GRAMD1B: variants seen among roughly 807,000 people sequenced by gnomAD.
The protein encoded by GRAMD1B is GRAM domain containing 1B.
A neutral mutation model predicts 99.7 loss-of-function variants in GRAMD1B; 37 were observed. The ratio of observed to expected loss-of-function variants is 0.37; its 90% CI spans 0.29 to 0.49. The LOEUF is 0.49. GRAMD1B is among the 20% of genes least tolerant of loss of function. The pLI, the probability that GRAMD1B is intolerant of heterozygous loss-of-function variation, is 0.98. For synonymous variants in GRAMD1B, 427 were observed against 387.6 expected (o/e 1.10, Z -1.19); for missense variants, 888 against 1,009.2 (o/e 0.88, Z 1.63).
At chr11:123,596,806 G>A (rs1951328833) in intron 7 of GRAMD1B, among the ~76,000 whole-genome samples, 1 of 152,186 alleles carries the variant, frequency 6.6e-6, no homozygotes, top group African/African-American at 2.4e-5. Flanking sequence ...GGGGGATCCT[G>A]TCCTGCAGCA....
intron 1 of GRAMD1B, among the ~76,000 whole-genome samples, chr11:123,478,543 C>T (rs1382242805): frequency 6.6e-6 from 1 of 152,144 alleles, no homozygotes; most frequent in Non-Finnish European, 1.5e-5. Context: ...CCTGAGGCTC[C>T]TTATTGGTTT....
chr11:123,473,067 C>A (rs1951092334), intron 1 of GRAMD1B, among the ~76,000 whole-genome samples: 1 of 151,352 alleles, frequency 6.6e-6, no homozygotes, highest in African/African-American at 2.5e-5. Flanking sequence ...TAAATAATTT[C>A]TTCTTTTATT....
At chr11:123,436,805 A>G (rs575583830) in intron 1 of GRAMD1B, among the ~76,000 whole-genome samples, 1 of 152,246 alleles carries the variant, frequency 6.6e-6, no homozygotes, top group East Asian at 1.9e-4. Context: ...CACAATGTGC[A>G]GGTTTGTTAC....
chr11:123,382,019 A>G (rs1048807234), intron 1 of GRAMD1B, among the ~76,000 whole-genome samples: 1 of 152,172 alleles, frequency 6.6e-6, no homozygotes, highest in Non-Finnish European at 1.5e-5. Flanking sequence ...CCTGCAGCTC[A>G]GAGCCTGAGA....
intron 1 of GRAMD1B, among the ~76,000 whole-genome samples, chr11:123,422,356 G>A (rs1948473225): frequency 6.6e-6 from 1 of 152,206 alleles, no homozygotes; most frequent in Non-Finnish European, 1.5e-5. Flanking sequence ...AAGATGCATT[G>A]TTTGCAGAAA....
At position 123,605,377 on chromosome 11, in the gene GRAMD1B, A is replaced by G; in HGVS notation, c.1222A>G (p.Ser408Gly). The G allele has an allele frequency of 4.3e-6, 7 of 1,613,262 alleles. No homozygotes were observed. Among genetic ancestry groups the G allele is most frequent in the Non-Finnish European group, 5.9e-6 (7 of 1,179,356 alleles). The change falls in exon 10 of 20, where the codon AGC becomes GGC. Residue 408 changes from serine to glycine, a missense_variant. Physicochemically the swap from Ser to Gly is moderately conservative, Grantham distance 56. This residue lies in a region of GRAMD1B where 269 missense variants were observed against 296.6 expected (regional missense o/e 0.91). Transcript: ENST00000635736. ...ENEVNDSSSK[S>G]SIETKPDASP... is the part of the protein sequence containing the mutation. ...TGAAGTGAATGACAGCTCATCCAAGAGCAGCATAGAGACCAAGCCAGATGC... is the reference window on the plus strand; with the variant it reads ...TGAAGTGAATGACAGCTCATCCAAGGGCAGCATAGAGACCAAGCCAGATGC...
At chr11:123,544,405 A>G (rs1186472463) in intron 2 of GRAMD1B, among the ~76,000 whole-genome samples, 1 of 151,536 alleles carries the variant, frequency 6.6e-6, no homozygotes, top group African/African-American at 2.4e-5. Flanking sequence ...TTCCTTCCTA[A>G]CTCTTTCTAC....
chr11:123,433,334 C>T (rs1237735099), intron 1 of GRAMD1B, among the ~76,000 whole-genome samples: 5 of 152,008 alleles, frequency 3.3e-5, no homozygotes, highest in South Asian at 2.1e-4. Context: ...GCCAAGATCG[C>T]GCCATTGCAC....
At position 123,480,883 on chromosome 11, in the gene GRAMD1B, C is replaced by T. The variant is rs762663776; in HGVS notation, c.442C>T (p.Arg148Trp). The change falls in exon 2 of 20, where the codon CGG becomes TGG. Residue 148 changes from arginine to tryptophan, a missense_variant. Arg to Trp is a moderately radical substitution (Grantham distance 101). Coordinates refer to ENST00000635736, the MANE Select transcript of GRAMD1B (RefSeq NM_001387025.1). ...TAGCAGGTTCCTGAGTCCTCGAGCG[C>T]GGGAAGAAAGGTAAGGTCCAACTCC... The part of the protein sequence containing the change: ...DSSRFLSPRA[R>W]EESTASNSNR... 41 of 394,128 alleles carry T rather than the reference C, an allele frequency of 1.0e-4. No individual in the cohort carries two copies. Among genetic ancestry groups the T allele is most frequent in the South Asian group, 3.9e-4 (3 of 7,640 alleles). The allele number at this position is 394,128 out of a possible 1,614,324, so 24.4% of individuals were successfully genotyped here. A position where few individuals can be genotyped will look rare whatever the true frequency, so the allele number is the denominator to read the frequency against.
chr11:123,481,993 A>G (rs1951635615), intron 2 of GRAMD1B, among the ~76,000 whole-genome samples: 1 of 152,230 alleles, frequency 6.6e-6, no homozygotes, highest in Admixed American at 6.5e-5. Context: ...GAGAACACCA[A>G]GGATGATAGA....
intron 4 of GRAMD1B, among the ~76,000 whole-genome samples, chr11:123,586,978 GT>G (rs1950142374): frequency 6.6e-6 from 1 of 152,252 alleles, no homozygotes; most frequent in Non-Finnish European, 1.5e-5. Context: ...CCTGGCTGGA[GT>G]CAGGGCAGTG....
At chr11:123,530,772 T>C (rs1290265913) in intron 2 of GRAMD1B, among the ~76,000 whole-genome samples, 1 of 152,208 alleles carries the variant, frequency 6.6e-6, no homozygotes, top group Non-Finnish European at 1.5e-5. Context: ...TTCCCAGCTA[T>C]GGAAACGTTT....
chr11:123,396,800 TTTA>T (rs1947480386), intron 1 of GRAMD1B, among the ~76,000 whole-genome samples: 1 of 152,246 alleles, frequency 6.6e-6, no homozygotes, highest in African/African-American at 2.4e-5. Context: ...TTTGCTCTAA[TTTA>T]GGCAGAGAGG....
chr11:123,444,599 T>C (rs2714051), intron 1 of GRAMD1B, among the ~76,000 whole-genome samples: 62,964 of 151,894 alleles, frequency 0.41, 13,515 homozygotes, highest in Middle Eastern at 0.47. Context: ...GTTTTTTTTT[T>C]CTTTGGGTCC....
intron 2 of GRAMD1B, chr11:123,560,276 T>C: frequency 8.9e-7 from 1 of 1,125,830 alleles, no homozygotes. Context: ...TCAGAACAGC[T>C]GTCTGTGAGG....
intron 1 of GRAMD1B, among the ~76,000 whole-genome samples, chr11:123,412,526 G>A (rs1014228871): frequency 3.7e-4 from 57 of 152,214 alleles, no homozygotes; most frequent in African/African-American, 1.2e-3. Context: ...TCATGCTCAG[G>A]TCTGCCTAAC....
Position 123,532,335 on chromosome 11 carries a change from A to C in GRAMD1B, c.453-45032A>C, listed in dbSNP as rs140097758. ...CGTGGCTCTTAATGCTCCTCCCTGAAAGTGAGTATACTGTCCCTGCACTTG... is the reference window on the plus strand; with the variant it reads ...CGTGGCTCTTAATGCTCCTCCCTGACAGTGAGTATACTGTCCCTGCACTTG... On this transcript the variant is annotated intron_variant, in intron 2 of 19. Transcript: ENST00000635736. Among the ~76,000 whole-genome samples, 167 of 152,336 alleles carry C rather than the reference A, an allele frequency of 1.1e-3. 1 individual carries two copies. Among genetic ancestry groups the C allele is most frequent in the African/African-American group, 3.9e-3 (161 of 41,572 alleles).
chr11:123,456,508 C>T (rs113562019), intron 1 of GRAMD1B, among the ~76,000 whole-genome samples: 2,237 of 152,214 alleles, frequency 0.015, 51 homozygotes, highest in African/African-American at 0.051. Flanking sequence ...AGTGTGGTGG[C>T]GCATGCCTAT....
chr11:123,433,679 CGTGTGTGTGTGTGTGTGTGT>C (rs59262021), intron 1 of GRAMD1B, among the ~76,000 whole-genome samples: 1 of 142,980 alleles, frequency 7.0e-6, no homozygotes, highest in Admixed American at 6.9e-5. Context: ...ATGTTACGTG[CGTGTGTGTGTGTGTGTGTGT>C]GTGTGTGTGT....
Sources: allele counts gnomAD v4.1 joint callset (sites outside exome capture counted in the v4.1 genomes callset), GRCh38; gene constraint gnomAD v4.1.1; regional missense constraint gnomAD v4.1.1; transcripts MANE v1.5; gene names NCBI Gene and HGNC (gene_info 2026-07-23, HGNC 2026-07-21).